The following GALNT13 variants were observed in gnomAD, a reference collection of about 807,000 sequenced individuals.
The protein encoded by GALNT13 is polypeptide N-acetylgalactosaminyltransferase 13.
A neutral mutation model predicts 64.2 loss-of-function variants in GALNT13; 28 were observed. The observed-to-expected ratio is 0.44, with a 90% CI of 0.32 to 0.60. The LOEUF (loss-of-function observed/expected upper bound fraction) is 0.60, where lower values mean the gene tolerates loss of function less well. Among genes scored for constraint, GALNT13 ranks in the 20% least tolerant of loss-of-function variants. GALNT13 has a pLI of 0.05. For missense variants in GALNT13, 577 were observed against 669.8 expected (o/e 0.86, Z 1.53); for synonymous variants, 214 against 224.6 (o/e 0.95, Z 0.42).
the GALNT13 span, among the ~76,000 whole-genome samples, chr2:153,113,209 C>T: frequency 1.3e-5 from 2 of 152,006 alleles, no homozygotes; most frequent in Non-Finnish European, 2.9e-5. Flanking sequence ...TTTTACTCCT[C>T]CTCTCCCCAT....
chr2:154,299,915 T>A (rs901269943), intron 8 of GALNT13, among the ~76,000 whole-genome samples: 4 of 151,858 alleles, frequency 2.6e-5, no homozygotes, highest in African/African-American at 9.7e-5. Context: ...AATAAAAAAA[T>A]AGATTTACAT....
chr2:153,405,309 A>T, the GALNT13 span, among the ~76,000 whole-genome samples: 1 of 152,130 alleles, frequency 6.6e-6, no homozygotes, highest in Non-Finnish European at 1.5e-5. Flanking sequence ...TTCCATGTAA[A>T]ACTGGCACCA....
chr2:153,950,691 T>G (rs1338990299), intron 3 of GALNT13, among the ~76,000 whole-genome samples: 1 of 152,118 alleles, frequency 6.6e-6, no homozygotes, highest in East Asian at 1.9e-4. Flanking sequence ...AATGTTGGTA[T>G]ATCAATACAA....
At chr2:153,863,999 A>C in the GALNT13 span, among the ~76,000 whole-genome samples, 1 of 152,208 alleles carries the variant, frequency 6.6e-6, no homozygotes, top group Admixed American at 6.5e-5. Flanking sequence ...GCAAATCCAC[A>C]TTGCCATAAC....
chr2:153,325,230 G>A, the GALNT13 span, among the ~76,000 whole-genome samples: 9 of 148,778 alleles, frequency 6.0e-5, no homozygotes, highest in South Asian at 1.7e-3. Context: ...GTCTTGGGAG[G>A]TGTATGTGTC....
At chr2:153,204,640 CCTAGAATACATCTT>C in the GALNT13 span, among the ~76,000 whole-genome samples, 4 of 151,276 alleles carry the variant, frequency 2.6e-5, no homozygotes, top group African/African-American at 9.8e-5. Context: ...TCCCAGGAAC[CCTAGAATACATCTT>C]GTTAGAATCT....
At chr2:153,763,225 A>T in the GALNT13 span, among the ~76,000 whole-genome samples, 1 of 152,070 alleles carries the variant, frequency 6.6e-6, no homozygotes, top group African/African-American at 2.4e-5. Flanking sequence ...ATGAATTTTT[A>T]TGCTTTTGTA....
At chr2:153,634,974 G>A in the GALNT13 span, among the ~76,000 whole-genome samples, 1 of 151,838 alleles carries the variant, frequency 6.6e-6, no homozygotes. Flanking sequence ...TCTAATTTGC[G>A]AATGTGAAAA....
chr2:153,651,980 C>T, the GALNT13 span, among the ~76,000 whole-genome samples: 27 of 152,072 alleles, frequency 1.8e-4, no homozygotes, highest in East Asian at 3.9e-4. Flanking sequence ...GTAAGCTTCC[C>T]GGGTACTATC....
the GALNT13 span, chr2:153,446,871 G>A: frequency 6.6e-6 from 1 of 152,108 alleles, no homozygotes; most frequent in Non-Finnish European, 1.5e-5. Context: ...AAAAAATATT[G>A]TCATCCTAAT....
the GALNT13 span, among the ~76,000 whole-genome samples, chr2:153,400,494 G>A: frequency 3.3e-5 from 5 of 152,176 alleles, no homozygotes. Flanking sequence ...AGTTTCAGAA[G>A]GAATGGTACT....
the GALNT13 span, among the ~76,000 whole-genome samples, chr2:153,644,543 G>A: frequency 6.6e-6 from 1 of 151,828 alleles, no homozygotes; most frequent in Non-Finnish European, 1.5e-5. Context: ...GTTTTTTCTC[G>A]TGATTATTGA....
At chr2:153,478,338 G>A in the GALNT13 span, 3 of 1,614,180 alleles carry the variant, frequency 1.9e-6, no homozygotes, top group Non-Finnish European at 2.5e-6. Context: ...GATTGCAGCC[G>A]AGGAAGAAGA....
At position 153,878,265 on chromosome 2, in the gene GALNT13, C is replaced by A. The variant is rs555398717; in HGVS notation, c.-177+5962C>A. Among the ~76,000 whole-genome samples, 6 of 152,200 alleles carry A rather than the reference C, an allele frequency of 3.9e-5. No individual in the cohort carries two copies. The East Asian group carries it at 1.2e-3, about 29-fold the overall frequency. On this transcript the variant is annotated intron_variant, in intron 1 of 12. Transcript: ENST00000392825. ...TAAATTAAGCTCCCTGTACATTTTT[C>A]CACATTGTACTCATTTTCCTAATTT...
At chr2:154,286,899 T>G in intron 8 of GALNT13, 1 of 458,550 alleles carries the variant, frequency 2.2e-6, no homozygotes, top group African/African-American at 2.0e-5. Flanking sequence ...CTAGCCAGTT[T>G]GCGCACATCT....
chr2:153,912,126 G>C lies in GALNT13; in HGVS notation c.-105+11119G>C, dbSNP rs141306576. 6.5e-3 allele frequency among the ~76,000 whole-genome samples: 992 copies of C among 151,686 alleles called. 8 individuals are homozygous for C. The highest frequency in any genetic ancestry group is 0.022 in the African/African-American group (919 of 41,336). Reference sequence around the variant, plus strand: ...TTTTTATTCTTTTTTCTTTATTCTTGTCTGACTGTATTATTTCAGAAAGTC... The same window carrying C: ...TTTTTATTCTTTTTTCTTTATTCTTCTCTGACTGTATTATTTCAGAAAGTC... On this transcript the variant is annotated intron_variant, in intron 2 of 12. Coordinates refer to ENST00000392825, the MANE Select transcript of GALNT13 (RefSeq NM_052917.4).
chr2:153,629,973 G>A, the GALNT13 span, among the ~76,000 whole-genome samples: 1 of 146,548 alleles, frequency 6.8e-6, no homozygotes, highest in African/African-American at 2.6e-5. Context: ...AGTTAGAATG[G>A]CAATCATTAA....
At chr2:153,711,680 A>G in the GALNT13 span, among the ~76,000 whole-genome samples, 2 of 152,170 alleles carry the variant, frequency 1.3e-5, no homozygotes, top group East Asian at 3.9e-4. Flanking sequence ...TTCACAACAA[A>G]GATCTGTAGC....
At chr2:153,519,968 G>C in the GALNT13 span, among the ~76,000 whole-genome samples, 1 of 152,094 alleles carries the variant, frequency 6.6e-6, no homozygotes, top group Non-Finnish European at 1.5e-5. Flanking sequence ...CTTAGAGTCT[G>C]ACTGCTTTGA....
Sources: allele counts gnomAD v4.1 joint callset (sites outside exome capture counted in the v4.1 genomes callset), GRCh38; gene constraint gnomAD v4.1.1; transcripts MANE v1.5; gene names NCBI Gene and HGNC (gene_info 2026-07-23, HGNC 2026-07-21).